SHROOM4: variants seen among roughly 807,000 people sequenced by gnomAD.
SHROOM4 encodes the protein protein Shroom4.
SHROOM4 carries 17 observed loss-of-function variants against 80.3 expected under a neutral mutation model. The ratio of observed to expected loss-of-function variants is 0.21; its 90% CI spans 0.14 to 0.32. The LOEUF is 0.32. SHROOM4 is among the 10% of genes least tolerant of loss of function. SHROOM4 has a pLI of 1.00. For synonymous variants in SHROOM4, 400 were observed against 437.5 expected (o/e 0.91, Z 1.07); for missense variants, 993 against 1,140.3 (o/e 0.87, Z 1.86).
At chrX:50,745,083 G>C (rs1557267509) in intron 1 of SHROOM4, among the ~76,000 whole-genome samples, 1 of 111,572 alleles carries the variant, frequency 9.0e-6, no homozygotes, top group Admixed American at 9.6e-5. Context: ...ATCTCTGGTA[G>C]CTCCCACACA....
intron 2 of SHROOM4, among the ~76,000 whole-genome samples, chrX:50,688,221 C>A: frequency 9.0e-6 from 1 of 110,587 alleles, no homozygotes; most frequent in Non-Finnish European, 1.9e-5. Context: ...CTTTTTTCCA[C>A]CAACCATTTA....
At chrX:50,668,141 G>A (rs782135607) in intron 2 of SHROOM4, among the ~76,000 whole-genome samples, 1 of 112,054 alleles carries the variant, frequency 8.9e-6, no homozygotes, top group Non-Finnish European at 1.9e-5. Context: ...TCCATGCCAG[G>A]TGATAACAAG....
Position 50,634,963 on chromosome X carries a change from T to C in SHROOM4, c.1110A>G (p.Pro370=), listed in dbSNP as rs1931272174. 8.3e-7 allele frequency: 1 copy of C among 1,210,358 alleles called. No individual in the cohort carries two copies. The change falls in exon 4 of 9, where the codon CCA becomes CCG. Residue 370 remains proline (P), a synonymous_variant. Coordinates refer to ENST00000376020, the MANE Select transcript of SHROOM4 (RefSeq NM_020717.5). ...CGCTGGAAGCTCTGTCACAGGCTTT[T>C]GGGGATCCAACAGCTTTGGTTGAGG... ...MQASTKAVGS[P]KACDRASSVD... is the part of the protein sequence containing the mutation.
Position 50,797,113 on chromosome X carries a change from G to A in SHROOM4, c.117+16789C>T, listed in dbSNP as rs782661786. 2.3e-4 allele frequency among the ~76,000 whole-genome samples: 25 copies of A among 109,215 alleles called. 1 individual carries two copies. Among genetic ancestry groups the A allele is most frequent in the African/African-American group, 8.3e-4 (25 of 30,047 alleles). 94.8% of individuals were successfully genotyped at this position (109,215 alleles called of 115,157 possible). On this transcript the variant is annotated intron_variant, in intron 1 of 8. Coordinates refer to ENST00000376020, the MANE Select transcript of SHROOM4 (RefSeq NM_020717.5). ...TGCGGGGGGAGGGACTGAGTGCTGAGCCTTGAGGAATATCCACAGGATAGA... is the reference window on the plus strand; with the variant it reads ...TGCGGGGGGAGGGACTGAGTGCTGAACCTTGAGGAATATCCACAGGATAGA...
chrX:50,761,875 C>A (rs1983962423), intron 1 of SHROOM4, among the ~76,000 whole-genome samples: 2 of 111,853 alleles, frequency 1.8e-5, no homozygotes, highest in African/African-American at 6.5e-5. Context: ...TGTATGTCTT[C>A]TTTTCAAAAG....
chrX:50,579,727 C>G, the SHROOM4 span, among the ~76,000 whole-genome samples: 1 of 111,500 alleles, frequency 9.0e-6, no homozygotes, highest in Non-Finnish European at 1.9e-5. Flanking sequence ...TGGAAGATAA[C>G]TGGGGAAGGA....
chrX:50,621,023 C>T (rs1478353431), intron 5 of SHROOM4, among the ~76,000 whole-genome samples: 1 of 111,564 alleles, frequency 9.0e-6, no homozygotes, highest in Non-Finnish European at 1.9e-5. Flanking sequence ...TTGAATCCAT[C>T]GATCTTGTCT....
At chrX:50,604,560 A>G (rs1423047452) in intron 6 of SHROOM4, among the ~76,000 whole-genome samples, 1 of 112,079 alleles carries the variant, frequency 8.9e-6, no homozygotes, top group Non-Finnish European at 1.9e-5. Context: ...AGGGAATATG[A>G]AGGTCTGAAC....
intron 1 of SHROOM4, among the ~76,000 whole-genome samples, chrX:50,799,536 A>T (rs782568807): frequency 9.0e-6 from 1 of 111,652 alleles, no homozygotes; most frequent in Non-Finnish European, 1.9e-5. Flanking sequence ...CCTTCTCAGC[A>T]TTCTCAGCTT....
At chrX:50,661,594 A>G (rs1557259980) in intron 2 of SHROOM4, among the ~76,000 whole-genome samples, 2 of 112,591 alleles carry the variant, frequency 1.8e-5, no homozygotes, top group African/African-American at 6.5e-5. Context: ...TCTTTGAATC[A>G]TGGTTAGACT....
chrX:50,652,024 G>A (rs12852024), intron 2 of SHROOM4, among the ~76,000 whole-genome samples: 22,103 of 110,951 alleles, frequency 0.2, 4,194 homozygotes, highest in African/African-American at 0.6. Flanking sequence ...GCTATTGTCA[G>A]TAGTGCTACA....
intron 6 of SHROOM4, among the ~76,000 whole-genome samples, chrX:50,605,920 T>C (rs1929643097): frequency 8.9e-6 from 1 of 112,138 alleles, no homozygotes; most frequent in Non-Finnish European, 1.9e-5. Context: ...TAAATATTTG[T>C]TAAGTGCCTA....
At position 50,691,240 on chromosome X, in the gene SHROOM4, CA is replaced by C. The variant is rs782134715; in HGVS notation, c.269+4545del. ...ATATATTTGGATGCCATGTTTTTTG[CA>C]AAAAAAAAATGGTTCATAAATATAA... On this transcript the variant is annotated intron_variant, in intron 2 of 8. Transcript: ENST00000376020. 2.7e-3 allele frequency among the ~76,000 whole-genome samples: 271 copies of C among 101,134 alleles called. 2 individuals carry two copies. Among genetic ancestry groups the C allele is most frequent in the African/African-American group, 6.1e-3 (169 of 27,923 alleles). The allele number at this position is 101,134 out of a possible 115,157, so 87.8% of individuals were successfully genotyped here.
chrX:50,616,535 C>A (rs990478689), intron 5 of SHROOM4, among the ~76,000 whole-genome samples: 6 of 111,639 alleles, frequency 5.4e-5, no homozygotes, highest in Admixed American at 9.5e-5. Flanking sequence ...AAAATTCTTT[C>A]TGAGAAGGGT....
rs1450727151 is a variant in SHROOM4, at chrX:50,699,081, T to A, written c.118-3144A>T. On this transcript the variant is annotated intron_variant, in intron 1 of 8. Coordinates refer to ENST00000376020, the MANE Select transcript of SHROOM4 (RefSeq NM_020717.5). ...TTCAGGGTGGCTTTCTTGTTTCAGT[T>A]GAAGTGTTGTGAATTCTCAGATTAG... Among the ~76,000 whole-genome samples, 3 of 112,087 alleles carry A rather than the reference T, an allele frequency of 2.7e-5. No homozygotes were observed. In the East Asian group the frequency reaches 8.4e-4, roughly 31 times the overall value.
chrX:50,639,247 C>G (rs141992203), intron 2 of SHROOM4, among the ~76,000 whole-genome samples: 1,730 of 110,055 alleles, frequency 0.016, 32 homozygotes, highest in African/African-American at 0.055. Flanking sequence ...ATGGATAATG[C>G]CAGGAGATAA....
chrX:50,700,942 T>C (rs1488690362), intron 1 of SHROOM4, among the ~76,000 whole-genome samples: 1 of 111,722 alleles, frequency 9.0e-6, no homozygotes, highest in Non-Finnish European at 1.9e-5. Context: ...ATTCTTTCCC[T>C]CTACCAGCTA....
At chrX:50,599,254 C>T (rs782731000) in intron 7 of SHROOM4, among the ~76,000 whole-genome samples, 28 of 111,504 alleles carry the variant, frequency 2.5e-4, no homozygotes, top group African/African-American at 7.8e-4. Flanking sequence ...CATTCTCCTT[C>T]AATCCATTTA....
chrX:50,615,517 T>A (rs1469159284), intron 5 of SHROOM4, among the ~76,000 whole-genome samples: 1 of 111,851 alleles, frequency 8.9e-6, no homozygotes, highest in Non-Finnish European at 1.9e-5. Context: ...CCCTTCCACA[T>A]AACCATATTG....
Sources: allele counts gnomAD v4.1 joint callset (sites outside exome capture counted in the v4.1 genomes callset), GRCh38; gene constraint gnomAD v4.1.1; transcripts MANE v1.5; gene names NCBI Gene and HGNC (gene_info 2026-07-23, HGNC 2026-07-21).